FOXP4: variants seen among roughly 807,000 people sequenced by gnomAD.
FOXP4 encodes the protein forkhead box protein P4.
Under a neutral mutation model 82.6 loss-of-function variants are expected in FOXP4, and 25 were observed. The observed-to-expected ratio is 0.30, with a 90% CI of 0.22 to 0.42. The LOEUF (loss-of-function observed/expected upper bound fraction) is 0.42, where lower values mean the gene tolerates loss of function less well. Among genes scored for constraint, FOXP4 ranks in the 10% least tolerant of loss-of-function variants. The pLI is 1.00. For synonymous variants in FOXP4, 415 were observed against 388.2 expected, an observed-to-expected ratio of 1.07 and a Z score of -0.81; for missense variants, 785 against 900.9, an observed-to-expected ratio of 0.87 and a Z score of 1.65.
chr6:41,582,473 TC>T (rs1376246558), intron 3 of FOXP4, among the ~76,000 whole-genome samples: 4 of 152,210 alleles, frequency 2.6e-5, no homozygotes, highest in African/African-American at 9.6e-5. Context: ...CTAGTAAATA[TC>T]AGGGACAAAA....
Position 41,600,173 on chromosome 6 carries a change from C to A in FOXP4, c.*1237C>A, listed in dbSNP as rs530066207. The A allele has an allele frequency of 6.6e-6, 1 of 152,622 alleles. No homozygotes were observed. Among genetic ancestry groups the A allele is most frequent in the Non-Finnish European group, 1.5e-5 (1 of 68,138 alleles). The allele number at this position is 152,622 out of a possible 1,614,324, so 9.5% of individuals were successfully genotyped here. A position where few individuals can be genotyped will look rare whatever the true frequency, so the allele number is the denominator to read the frequency against. On this transcript the variant is annotated 3_prime_UTR_variant, in exon 17 of 17. Transcript: ENST00000307972. ...CTCAGTGGAGGCAGGGCCCTGCCCCCCTCCCTTCCGCTCCTGCCCAGCCTG... is the reference window on the plus strand; with the variant it reads ...CTCAGTGGAGGCAGGGCCCTGCCCCACTCCCTTCCGCTCCTGCCCAGCCTG...
intron 4 of FOXP4, 83 bp downstream of exon 4, chr6:41,584,974 C>T: frequency 1.4e-6 from 2 of 1,463,148 alleles, no homozygotes; most frequent in Non-Finnish European, 1.8e-6. Flanking sequence ...CACCAAGGGC[C>T]CAAGCTGTCC....
intron 2 of FOXP4, among the ~76,000 whole-genome samples, chr6:41,566,660 C>T (rs1445290176): frequency 6.6e-6 from 1 of 152,172 alleles, no homozygotes; most frequent in African/African-American, 2.4e-5. Context: ...GGTCTCATGT[C>T]CTGGTCCCAC....
intron 3 of FOXP4, among the ~76,000 whole-genome samples, chr6:41,582,352 C>T (rs1314730564): frequency 2.0e-5 from 3 of 152,198 alleles, no homozygotes; most frequent in South Asian, 2.1e-4. Context: ...AGCCAAGTGC[C>T]GTGCTGGGCA....
intron 3 of FOXP4, among the ~76,000 whole-genome samples, chr6:41,583,256 A>G (rs774048660): frequency 6.6e-5 from 10 of 152,174 alleles, no homozygotes; most frequent in Non-Finnish European, 8.8e-5. Context: ...GGATTCCCCA[A>G]TGTCCTTGGA....
rs371426974 is a variant in FOXP4 at position 41,588,629 on chromosome 6, C to T, written c.978-15C>T. 6.2e-5 allele frequency: 100 copies of T among 1,613,942 alleles called. No individual in the cohort carries two copies. In the African/African-American group the frequency reaches 1.1e-3, roughly 18 times the overall value. On this transcript the variant is annotated splice_polypyrimidine_tract_variant and intron_variant, in intron 8 of 16. Transcript: ENST00000307972. Reference sequence around the variant, plus strand: ...ACCGGAGCCAACTTTCTCTCCTCCTCTCTTCCCCTTGAAGACACCTCAACA... The same window carrying T: ...ACCGGAGCCAACTTTCTCTCCTCCTTTCTTCCCCTTGAAGACACCTCAACA...
At chr6:41,571,829 A>T (rs1765217795) in intron 2 of FOXP4, among the ~76,000 whole-genome samples, 1 of 151,894 alleles carries the variant, frequency 6.6e-6, no homozygotes, top group African/African-American at 2.4e-5. Flanking sequence ...TCCTCCCCCC[A>T]GGTCAGTTCC....
chr6:41,552,296 G>C (rs755437238), intron 1 of FOXP4, among the ~76,000 whole-genome samples: 3 of 152,210 alleles, frequency 2.0e-5, no homozygotes, highest in African/African-American at 4.8e-5. Context: ...ACTAGGGAGA[G>C]TTTTGGGGAG....
At position 41,565,800 on chromosome 6, in the gene FOXP4, C is replaced by T. The variant is rs1242072416; in HGVS notation, c.40C>T (p.Pro14Ser). 1 of 1,613,060 alleles carries T rather than the reference C, an allele frequency of 6.2e-7. No individual in the cohort carries two copies. The highest frequency in any genetic ancestry group is 1.1e-5 in the South Asian group (1 of 90,968). Residue 14 changes from proline to serine, a missense_variant, in exon 2 of 17, where the codon CCA becomes TCA. Transcript: ENST00000307972. ...TGCCTCGGAGACAATCAGGTCGGCTCCATCTGGTCAGAATGGCGTGGGCAG... is the reference window on the plus strand; with the variant it reads ...TGCCTCGGAGACAATCAGGTCGGCTTCATCTGGTCAGAATGGCGTGGGCAG... ...ESASETIRSA[P>S]SGQNGVGSLS...
At chr6:41,550,686 TTC>T (rs1332377505) in intron 1 of FOXP4, among the ~76,000 whole-genome samples, 3 of 152,382 alleles carry the variant, frequency 2.0e-5, no homozygotes, top group Admixed American at 2.0e-4. Context: ...TGTGAATACT[TTC>T]TCTTTTCCCT....
At chr6:41,592,957 G>A (rs941665422) in intron 13 of FOXP4, among the ~76,000 whole-genome samples, 1 of 152,174 alleles carries the variant, frequency 6.6e-6, no homozygotes, top group Admixed American at 6.5e-5. Context: ...AGAAGCATCT[G>A]GGCTGGGGAA....
chr6:41,581,207 A>T (rs1765780500), intron 3 of FOXP4, among the ~76,000 whole-genome samples: 1 of 151,828 alleles, frequency 6.6e-6, no homozygotes, highest in Non-Finnish European at 1.5e-5. Flanking sequence ...GCCAAACCAA[A>T]CTCTGGCCTG....
rs1357864304 is a variant in FOXP4, at chr6:41,600,632, T to A, written c.*1696T>A. On this transcript the variant is annotated 3_prime_UTR_variant, in exon 17 of 17. Coordinates refer to ENST00000307972, the MANE Select transcript of FOXP4 (RefSeq NM_001012426.2). ...AACGTCCTCTATTCACCGGGCCCTG[T>A]GTGTGTCACCGAGGTGCGGGAGGGG... 3.3e-5 allele frequency: 5 copies of A among 152,044 alleles called. No individual in the cohort carries two copies. The highest frequency in any genetic ancestry group is 1.2e-4 in the African/African-American group (5 of 41,360). 9.4% of individuals were successfully genotyped at this position (152,044 alleles called of 1,614,324 possible).
At chr6:41,597,075 GACCC>G in intron 14 of FOXP4, 97 bp from the exon 15 acceptor site, 1 of 1,268,420 alleles carries the variant, frequency 7.9e-7, no homozygotes, top group Non-Finnish European at 1.1e-6. Context: ...TAGGGAATGG[GACCC>G]ATTCCCAGCA....
In FOXP4 at chr6:41,587,064, TGCA is replaced by T; in HGVS notation, c.576_578del (p.Gln192del). On this transcript the variant is annotated inframe_deletion, in exon 6 of 17. Transcript: ENST00000307972. Reference sequence around the variant, plus strand: ...CAGCAGCTCCTGCAAATGCAACAGTTGCAGCAGCAGCACCTGCTCAACCTGCAG... The same window carrying T: ...CAGCAGCTCCTGCAAATGCAACAGTTGCAGCAGCACCTGCTCAACCTGCAG... The T allele has an allele frequency of 6.2e-7, 1 of 1,607,402 alleles. No homozygotes were observed. Among genetic ancestry groups the T allele is most frequent in the Non-Finnish European group, 8.5e-7 (1 of 1,175,314 alleles).
At chr6:41,584,569 G>C (rs900900861) in intron 3 of FOXP4, among the ~76,000 whole-genome samples, 200 bp from the exon 4 acceptor site, 13 of 152,164 alleles carry the variant, frequency 8.5e-5, no homozygotes, top group Admixed American at 2.6e-4. Flanking sequence ...CACTGTTTTC[G>C]TTTTAGAGAT....
At chr6:41,581,662 C>G (rs1765809197) in intron 3 of FOXP4, among the ~76,000 whole-genome samples, 1 of 152,238 alleles carries the variant, frequency 6.6e-6, no homozygotes, top group Non-Finnish European at 1.5e-5. Context: ...GGTCAACCAA[C>G]TCAGGAGATC....
chr6:41,585,475 G>T lies in FOXP4; in HGVS notation c.468G>T (p.Gln156His). 1.2e-6 allele frequency: 2 copies of T among 1,613,920 alleles called. No homozygotes were observed. Among genetic ancestry groups the T allele is most frequent in the Non-Finnish European group, 1.7e-6 (2 of 1,179,910 alleles). Reference sequence around the variant, plus strand: ...AGCAGCAGGAGCAGCTCCACCTGCAGCTCCTCACCCAGCAGCAGGCTGGGA... The same window carrying T: ...AGCAGCAGGAGCAGCTCCACCTGCATCTCCTCACCCAGCAGCAGGCTGGGA... Reference protein sequence around the residue: ...YKKQQEQLHLQLLTQQQAGKP... With the variant: ...YKKQQEQLHLHLLTQQQAGKP... Residue 156 changes from glutamine (Q) to histidine (H), a missense_variant, in exon 5 of 17, where the codon CAG becomes CAT. Around this residue, in one of 3 missense-constraint regions of FOXP4, gnomAD observed 570 missense variants for 634.0 expected, o/e 0.90. Transcript: ENST00000307972.
intron 1 of FOXP4, among the ~76,000 whole-genome samples, chr6:41,557,552 C>T (rs563318793): frequency 2.0e-5 from 3 of 152,308 alleles, no homozygotes; most frequent in Admixed American, 2.0e-4. Flanking sequence ...ATTCAAGCAA[C>T]TGTGTGACCA....
Sources: allele counts gnomAD v4.1 joint callset (sites outside exome capture counted in the v4.1 genomes callset), GRCh38; gene constraint gnomAD v4.1.1; regional missense constraint gnomAD v4.1.1; transcripts MANE v1.5; gene names NCBI Gene and HGNC (gene_info 2026-07-23, HGNC 2026-07-21).